The following EDIL3 variants were observed in gnomAD, a reference collection of about 807,000 sequenced individuals.
The protein encoded by EDIL3 is EGF like and discoidin domains 3.
EDIL3 carries 37 observed loss-of-function variants against 67.4 expected under a neutral mutation model. The observed-to-expected ratio is 0.55, with a 90% CI of 0.42 to 0.72. The LOEUF (loss-of-function observed/expected upper bound fraction) is 0.72, where lower values mean the gene tolerates loss of function less well. Ranked by LOEUF, EDIL3 falls within the 30% of genes least tolerant of loss-of-function variation. EDIL3 has a pLI of 0.00. For missense variants in EDIL3, 527 were observed against 586.3 expected (o/e 0.90, Z 1.04); for synonymous variants, 195 against 196.3 (o/e 0.99, Z 0.05).
At chr5:84,375,858 GA>G (rs1057194200) in intron 1 of EDIL3, among the ~76,000 whole-genome samples, 2 of 152,050 alleles carry the variant, frequency 1.3e-5, no homozygotes, top group African/African-American at 4.8e-5. Context: ...TTCTGAATGT[GA>G]AAAAAGAACT....
rs1748751947 is a variant in EDIL3, at chr5:84,168,445, A to G, written c.355+11948T>C. On this transcript the variant is annotated intron_variant, in intron 4 of 10. Coordinates refer to ENST00000296591, the MANE Select transcript of EDIL3 (RefSeq NM_005711.5). The stretch of plus-strand genomic sequence containing the variant: ...CTTCCTTGTACCTGTACATACCTAT[A>G]TATGTATGAACATATACATTATTTC... Among the ~76,000 whole-genome samples the G allele has an allele frequency of 2.0e-5, 3 of 152,132 alleles. No homozygotes were observed. The South Asian group carries it at 6.2e-4, about 31-fold the overall frequency.
chr5:83,978,322 A>G (rs1744908623), intron 9 of EDIL3, among the ~76,000 whole-genome samples: 1 of 151,954 alleles, frequency 6.6e-6, no homozygotes. Context: ...TTAATAAAAA[A>G]CAATTTTAAC....
chr5:84,368,091 T>C (rs1019940899), intron 1 of EDIL3, among the ~76,000 whole-genome samples: 11 of 152,200 alleles, frequency 7.2e-5, no homozygotes, highest in Non-Finnish European at 1.5e-4. Flanking sequence ...CTCTGGAATC[T>C]ATTGAGGGCT....
intron 1 of EDIL3, among the ~76,000 whole-genome samples, chr5:84,371,407 GTGTATA>G: frequency 7.1e-6 from 1 of 140,422 alleles, no homozygotes. Context: ...ATATATATGT[GTGTATA>G]TGTGTATATA....
chr5:84,062,338 C>A (rs1238869099), intron 8 of EDIL3, among the ~76,000 whole-genome samples: 3 of 152,060 alleles, frequency 2.0e-5, no homozygotes, highest in Non-Finnish European at 4.4e-5. Context: ...CATCCCACCC[C>A]CCAAGTCTTT....
At chr5:84,307,148 G>A (rs1011103862) in intron 1 of EDIL3, among the ~76,000 whole-genome samples, 3 of 152,128 alleles carry the variant, frequency 2.0e-5, no homozygotes, top group Admixed American at 6.6e-5. Context: ...GAAAATAAAA[G>A]ATAAGTCATT....
At chr5:84,195,462 ATG>A (rs1459350238) in intron 3 of EDIL3, among the ~76,000 whole-genome samples, 1 of 151,960 alleles carries the variant, frequency 6.6e-6, no homozygotes, top group East Asian at 1.9e-4. Context: ...AAAGTTTTTA[ATG>A]TGATTTTTTT....
intron 1 of EDIL3, among the ~76,000 whole-genome samples, chr5:84,324,111 T>G (rs1257547973): frequency 1.3e-5 from 2 of 151,888 alleles, no homozygotes; most frequent in African/African-American, 4.8e-5. Context: ...AGCAACAGCA[T>G]GTACATTCTC....
intron 10 of EDIL3, 24 bp from the exon 11 acceptor site, chr5:83,943,592 G>A: frequency 1.2e-6 from 2 of 1,609,704 alleles, no homozygotes; most frequent in South Asian, 1.1e-5. Context: ...GCAGAAAAAT[G>A]TCAGTCACAC....
At chr5:84,237,954 G>A (rs1168525943) in intron 2 of EDIL3, among the ~76,000 whole-genome samples, 3 of 152,106 alleles carry the variant, frequency 2.0e-5, no homozygotes, top group Non-Finnish European at 4.4e-5. Flanking sequence ...CCATGTGCCT[G>A]GCAGATGCAG....
Position 84,258,430 on chromosome 5 carries a change from C to T in EDIL3, c.68-4218G>A, listed in dbSNP as rs554997378. On this transcript the variant is annotated intron_variant, in intron 1 of 10. Transcript: ENST00000296591. ...AAGTCTTAGTCAATCACACAGGGAG[C>T]TCCAGAGCAAAGATTATTGTTGGAA... is the stretch of plus-strand genomic sequence containing the variant. 2.0e-5 allele frequency among the ~76,000 whole-genome samples: 3 copies of T among 152,242 alleles called. No homozygotes were observed. The South Asian group carries it at 6.2e-4, about 32-fold the overall frequency.
intron 1 of EDIL3, among the ~76,000 whole-genome samples, chr5:84,319,003 G>C (rs975952319): frequency 6.6e-6 from 1 of 152,058 alleles, no homozygotes; most frequent in African/African-American, 2.4e-5. Flanking sequence ...GATATGAACA[G>C]ACACTACTCA....
intron 1 of EDIL3, among the ~76,000 whole-genome samples, chr5:84,358,585 T>C (rs1747534471): frequency 6.6e-6 from 1 of 150,628 alleles, no homozygotes; most frequent in African/African-American, 2.4e-5. Context: ...CAGTATTCAT[T>C]TTTATCCTTT....
intron 9 of EDIL3, among the ~76,000 whole-genome samples, chr5:83,992,883 C>G (rs994177194): frequency 6.6e-6 from 1 of 151,238 alleles, no homozygotes; most frequent in Non-Finnish European, 1.5e-5. Context: ...ATTTTTAAAT[C>G]TTTTTATTAA....
intron 1 of EDIL3, among the ~76,000 whole-genome samples, chr5:84,334,898 A>T (rs868689250): frequency 3.9e-5 from 6 of 152,296 alleles, no homozygotes; most frequent in Middle Eastern, 6.8e-3. Flanking sequence ...TTTGGGTCAG[A>T]GGTCTCTTAA....
chr5:84,378,617 T>C (rs60906131), intron 1 of EDIL3, among the ~76,000 whole-genome samples: 4,398 of 152,302 alleles, frequency 0.029, 201 homozygotes, highest in African/African-American at 0.1. Context: ...GACCTAACTA[T>C]GACATCTATT....
chr5:84,314,384 A>G (rs1217845449), intron 1 of EDIL3, among the ~76,000 whole-genome samples: 1 of 152,138 alleles, frequency 6.6e-6, no homozygotes, highest in Non-Finnish European at 1.5e-5. Context: ...TGTCAGAAAC[A>G]TCTGCTTTAT....
At chr5:84,273,006 A>G (rs1038309101) in intron 1 of EDIL3, among the ~76,000 whole-genome samples, 1 of 152,062 alleles carries the variant, frequency 6.6e-6, no homozygotes, top group Non-Finnish European at 1.5e-5. Context: ...GTTTCTCTAC[A>G]GTTTTCTCGG....
At chr5:84,050,352 T>A (rs1469579205) in intron 9 of EDIL3, among the ~76,000 whole-genome samples, 1 of 151,924 alleles carries the variant, frequency 6.6e-6, no homozygotes, top group Non-Finnish European at 1.5e-5. Context: ...CATGGCAGAA[T>A]AGGAACAGCT....
Sources: allele counts gnomAD v4.1 joint callset (sites outside exome capture counted in the v4.1 genomes callset), GRCh38; gene constraint gnomAD v4.1.1; transcripts MANE v1.5; gene names NCBI Gene and HGNC (gene_info 2026-07-23, HGNC 2026-07-21).